The following SLC25A17 variants were observed in gnomAD, a reference collection of about 807,000 sequenced individuals.
SLC25A17 encodes peroxisomal membrane protein PMP34.
In SLC25A17, 26 loss-of-function variants were observed where a neutral mutation model predicts 38.5. The observed-to-expected ratio is 0.68, with a 90% CI of 0.50 to 0.94. The LOEUF is 0.94. SLC25A17 is among the 40% of genes least tolerant of loss of function. The pLI is 0.00. For missense variants in SLC25A17, 333 were observed against 372.7 expected, an observed-to-expected ratio of 0.89 and a Z score of 0.88; for synonymous variants, 139 against 136.2, an observed-to-expected ratio of 1.02 and a Z score of -0.14.
intron 4 of SLC25A17, among the ~76,000 whole-genome samples, chr22:40,780,455 T>C (rs2057284130): frequency 6.6e-6 from 1 of 152,228 alleles, no homozygotes; most frequent in African/African-American, 2.4e-5. Context: ...AACCCTTAGT[T>C]ACAGATTCTT....
chr22:40,770,135 G>T lies in SLC25A17; in HGVS notation c.*699C>A, dbSNP rs1271513990. 6.6e-6 allele frequency: 1 copy of T among 152,090 alleles called. No individual in the cohort carries two copies. Among genetic ancestry groups the T allele is most frequent in the Non-Finnish European group, 1.5e-5 (1 of 68,018 alleles). The allele number at this position is 152,090 out of a possible 1,614,324, so 9.4% of individuals were successfully genotyped here. A position where few individuals can be genotyped will look rare whatever the true frequency, so the allele number is the denominator to read the frequency against. Reference sequence around the variant, plus strand: ...TGACTGACCAGGGCTTGTAAGAATGGACACAAAACTTCAAGTCTTTCGTAA... The same window carrying T: ...TGACTGACCAGGGCTTGTAAGAATGTACACAAAACTTCAAGTCTTTCGTAA... On this transcript the variant is annotated 3_prime_UTR_variant, in exon 9 of 9. Transcript: ENST00000435456.
intron 2 of SLC25A17, among the ~76,000 whole-genome samples, chr22:40,796,431 GA>G (rs775724487): frequency 5.9e-5 from 9 of 151,832 alleles, no homozygotes; most frequent in Non-Finnish European, 1.0e-4. Flanking sequence ...CTGAGGTCAG[GA>G]GTTCGAGATC....
At chr22:40,776,932 G>T in intron 7 of SLC25A17, 108 bp downstream of exon 7, 1 of 894,824 alleles carries the variant, frequency 1.1e-6, no homozygotes, top group Non-Finnish European at 1.8e-6. Flanking sequence ...GGAATATTCT[G>T]GTATACCAAC....
intron 5 of SLC25A17, 145 bp downstream of exon 5, chr22:40,778,864 T>G: frequency 1.5e-6 from 1 of 673,026 alleles, no homozygotes; most frequent in South Asian, 2.0e-5. Flanking sequence ...AACAAAGAAC[T>G]TAAACAAATT....
intron 4 of SLC25A17, 185 bp from the exon 5 acceptor site, chr22:40,779,310 A>G: frequency 7.0e-7 from 1 of 1,435,296 alleles, no homozygotes; most frequent in African/African-American, 1.4e-5. Context: ...GCGATTTGGA[A>G]GCTTTGCTGA....
intron 4 of SLC25A17, among the ~76,000 whole-genome samples, chr22:40,782,570 C>A (rs898991875): frequency 1.3e-5 from 2 of 152,120 alleles, no homozygotes; most frequent in Non-Finnish European, 2.9e-5. Context: ...AGAGAAAACA[C>A]AAACGAAGTA....
chr22:40,777,159 C>T (rs756763603), intron 6 of SLC25A17, 24 bp from the exon 7 acceptor site: 2 of 1,613,902 alleles, frequency 1.2e-6, no homozygotes, highest in Non-Finnish European at 1.7e-6. Context: ...GAAGAACAAA[C>T]CATATCAATC....
chr22:40,786,708 G>A (rs938996412), intron 4 of SLC25A17, among the ~76,000 whole-genome samples: 1 of 152,204 alleles, frequency 6.6e-6, no homozygotes, highest in Non-Finnish European at 1.5e-5. Context: ...CCACAGATGT[G>A]GAACCCACGG....
intron 5 of SLC25A17, among the ~76,000 whole-genome samples, chr22:40,778,762 AAGAAACT>A (rs1231832594): frequency 6.6e-6 from 1 of 152,250 alleles, no homozygotes; most frequent in Non-Finnish European, 1.5e-5. Flanking sequence ...TGCACAGCAA[AAGAAACT>A]ACCGTCAGAG....
chr22:40,810,320 C>A (rs1187321030), intron 1 of SLC25A17, among the ~76,000 whole-genome samples: 1 of 150,986 alleles, frequency 6.6e-6, no homozygotes, highest in African/African-American at 2.4e-5. Flanking sequence ...CAACAATTAA[C>A]AAATTCATAG....
intron 4 of SLC25A17, among the ~76,000 whole-genome samples, chr22:40,786,165 G>C (rs1484383262): frequency 6.6e-6 from 1 of 152,148 alleles, no homozygotes; most frequent in East Asian, 1.9e-4. Context: ...CAAAAAATTA[G>C]CTGGGCATGG....
intron 4 of SLC25A17, among the ~76,000 whole-genome samples, chr22:40,786,684 A>G (rs2145665386): frequency 6.6e-6 from 1 of 152,304 alleles, no homozygotes; most frequent in South Asian, 2.1e-4. Flanking sequence ...CTTTCAATCC[A>G]CAGTTGGCCG....
chr22:40,812,260 A>G (rs2057590040), intron 1 of SLC25A17, among the ~76,000 whole-genome samples: 1 of 152,090 alleles, frequency 6.6e-6, no homozygotes, highest in African/African-American at 2.4e-5. Context: ...AAAAAAAAAG[A>G]TGGTTTATTC....
chr22:40,780,716 G>A (rs1207659488), intron 4 of SLC25A17, among the ~76,000 whole-genome samples: 1 of 152,170 alleles, frequency 6.6e-6, no homozygotes, highest in Admixed American at 6.5e-5. Context: ...CACAGATACC[G>A]TAGAAAGGTA....
At chr22:40,776,720 G>C (rs2057247011) in intron 7 of SLC25A17, among the ~76,000 whole-genome samples, 1 of 152,100 alleles carries the variant, frequency 6.6e-6, no homozygotes, top group African/African-American at 2.4e-5. Context: ...AACATGGTGA[G>C]ACCCCATCTT....
At chr22:40,773,837 A>T in intron 8 of SLC25A17, 100 bp downstream of exon 8, 1 of 853,930 alleles carries the variant, frequency 1.2e-6, no homozygotes, top group Non-Finnish European at 2.0e-6. Context: ...GGAGGTTGCC[A>T]CCACCAAGGC....
intron 1 of SLC25A17, chr22:40,817,419 T>C (rs555311831): frequency 1.3e-5 from 2 of 152,370 alleles, no homozygotes; most frequent in African/African-American, 4.8e-5. Flanking sequence ...TGTCAGTCCA[T>C]ACACACTTCC....
At chr22:40,793,801 G>T (rs1012494131) in intron 3 of SLC25A17, among the ~76,000 whole-genome samples, 1 of 152,054 alleles carries the variant, frequency 6.6e-6, no homozygotes, top group African/African-American at 2.4e-5. Context: ...TAGTAAAGAC[G>T]GGGTTTCTCC....
chr22:40,779,316 G>A (rs1468618800), intron 4 of SLC25A17, 191 bp from the exon 5 acceptor site: 5 of 1,428,202 alleles, frequency 3.5e-6, no homozygotes, highest in Non-Finnish European at 4.6e-6. Context: ...TGGAAGCTTT[G>A]CTGATAGCAA....
Sources: allele counts gnomAD v4.1 joint callset (sites outside exome capture counted in the v4.1 genomes callset), GRCh38; gene constraint gnomAD v4.1.1; transcripts MANE v1.5; gene names NCBI Gene and HGNC (gene_info 2026-07-23, HGNC 2026-07-21).